Variants in TBC1D24 observed in about 807,000 individuals in gnomAD.
TBC1D24 encodes the protein Infantile myoclonic epilepsy.
A neutral mutation model predicts 50.7 loss-of-function variants in TBC1D24; 47 were observed. That is an observed-to-expected ratio of 0.93 (90% CI 0.73 to 1.18). The LOEUF (loss-of-function observed/expected upper bound fraction) is 1.18, where lower values mean the gene tolerates loss of function less well. Among genes scored for constraint, TBC1D24 ranks in the 50% most tolerant of loss-of-function variants. The pLI, the probability that TBC1D24 is intolerant of heterozygous loss-of-function variation, is 0.00. For missense variants in TBC1D24, 688 were observed against 766.5 expected (o/e 0.90, Z 1.21); for synonymous variants, 324 against 335.2 (o/e 0.97, Z 0.36).
Position 2,478,878 on chromosome 16 carries a change from C to G in TBC1D24, c.-116+3708C>G, listed in dbSNP as rs183804872. ...CTTCCCAAATAGCTGGGACGATAGA[C>G]TTTTTTCTTTTTTTTTTTTTTTCGA... On this transcript the variant is annotated intron_variant, in intron 1 of 7. Coordinates refer to ENST00000646147, the MANE Select transcript of TBC1D24 (RefSeq NM_001199107.2). The G allele has an allele frequency of 2.0e-5, 3 of 150,512 alleles. No homozygotes were observed. The East Asian group carries it at 5.8e-4, about 29-fold the overall frequency. The allele number at this position is 150,512 out of a possible 1,614,324, so 9.3% of individuals were successfully genotyped here. A position where few individuals can be genotyped will look rare whatever the true frequency, so the allele number is the denominator to read the frequency against.
At chr16:2,493,133 TTTTGTTTG>T (rs576467275) in intron 1 of TBC1D24, among the ~76,000 whole-genome samples, 5 of 151,302 alleles carry the variant, frequency 3.3e-5, no homozygotes, top group Admixed American at 2.0e-4. Context: ...ATGGTAAATT[TTTTGTTTG>T]TTTGTTTGTT....
rs2065561411 is a variant in TBC1D24, at chr16:2,475,647, A to C, written c.-116+477A>C. On this transcript the variant is annotated intron_variant, in intron 1 of 7. Coordinates refer to ENST00000646147, the MANE Select transcript of TBC1D24 (RefSeq NM_001199107.2). The surrounding 1 kb of genome is among the most constrained non-coding windows in gnomAD (Gnocchi z 4.2). The stretch of plus-strand genomic sequence containing the variant: ...CCAGGGATGACACACGCCCCCACCG[A>C]CCACCCGCTTGGGGGTCCGCCAGCC... Among the ~76,000 whole-genome samples, 1 of 138,576 alleles carries C rather than the reference A, an allele frequency of 7.2e-6. No homozygotes were observed. Among genetic ancestry groups the C allele is most frequent in the African/African-American group, 2.8e-5 (1 of 35,128 alleles). 90.9% of individuals were successfully genotyped at this position (138,576 alleles called of 152,430 possible). A position where few individuals can be genotyped will look rare whatever the true frequency, so the allele number is the denominator to read the frequency against.
At chr16:2,480,739 C>G (rs925490506) in intron 1 of TBC1D24, 8 of 152,276 alleles carry the variant, frequency 5.3e-5, no homozygotes, top group Non-Finnish European at 1.0e-4. Flanking sequence ...TCTAGCCTTG[C>G]TACCTTGGTA....
intron 1 of TBC1D24, chr16:2,480,783 A>C (rs935346622): frequency 1.3e-5 from 2 of 152,260 alleles, no homozygotes; most frequent in Non-Finnish European, 2.9e-5. Flanking sequence ...TGTGGACATT[A>C]ACTTTTCTGC....
In TBC1D24 at chr16:2,500,571, C is replaced by G; in HGVS notation, c.1525+81C>G. ...GCTGCTGCACCCAGCCCTCCCTGACCGGGGTGGCAGAGAAGAGGCCCTGGG... is the reference window on the plus strand; with the variant it reads ...GCTGCTGCACCCAGCCCTCCCTGACGGGGGTGGCAGAGAAGAGGCCCTGGG... On this transcript the variant is annotated intron_variant, in intron 7 of 7. Transcript: ENST00000646147. The surrounding 1 kb of genome is among the most constrained non-coding windows in gnomAD (Gnocchi z 8.0). 6.9e-7 allele frequency: 1 copy of G among 1,443,822 alleles called. No homozygotes were observed. Among genetic ancestry groups the G allele is most frequent in the South Asian group, 1.3e-5 (1 of 78,620 alleles). 89.4% of individuals were successfully genotyped at this position (1,443,822 alleles called of 1,614,324 possible).
intron 2 of TBC1D24, 120 bp downstream of exon 2, chr16:2,497,233 T>C: frequency 3.0e-6 from 4 of 1,333,518 alleles, no homozygotes; most frequent in Non-Finnish European, 4.2e-6. Flanking sequence ...CACCCAGCCA[T>C]CTGTGCATGG....
At position 2,500,089 on chromosome 16, in the gene TBC1D24, G is replaced by A. The variant is rs564840430; in HGVS notation, c.1302+159G>A. 1.1e-4 allele frequency among the ~76,000 whole-genome samples: 17 copies of A among 152,212 alleles called. No homozygotes were observed. The highest frequency in any genetic ancestry group is 3.6e-4 in the African/African-American group (15 of 41,532). ...CTTCCGGGTTTGATCATTCAGCCGTGCGCTGCTCCGGGGCAGGGGGCTTCA... is the reference window on the plus strand; with the variant it reads ...CTTCCGGGTTTGATCATTCAGCCGTACGCTGCTCCGGGGCAGGGGGCTTCA... On this transcript the variant is annotated intron_variant, in intron 6 of 7. Transcript: ENST00000646147. This position sits in a 1 kb window ranked among gnomAD's most constrained non-coding sequence, Gnocchi z 8.0.
rs1567414771 is a variant in TBC1D24, at chr16:2,500,750, C to G, written c.1526-54C>G. On this transcript the variant is annotated intron_variant, in intron 7 of 7. Transcript: ENST00000646147. This position sits in a 1 kb window ranked among gnomAD's most constrained non-coding sequence, Gnocchi z 8.0. ...ACAGCTGGGACAGCAGGTGAGGTGCCTGGGTCAGTGCTGATAGGGCAGTCA... is the reference window on the plus strand; with the variant it reads ...ACAGCTGGGACAGCAGGTGAGGTGCGTGGGTCAGTGCTGATAGGGCAGTCA... 1.9e-6 allele frequency: 3 copies of G among 1,562,010 alleles called. No individual in the cohort carries two copies. Among genetic ancestry groups the G allele is most frequent in the South Asian group, 1.2e-5 (1 of 86,944 alleles).
At chr16:2,476,351 C>T (rs1343263249) in intron 1 of TBC1D24, among the ~76,000 whole-genome samples, 1 of 152,206 alleles carries the variant, frequency 6.6e-6, no homozygotes, top group African/African-American at 2.4e-5. Context: ...AATGTTTGCT[C>T]AGTTGCGGCG....
Position 2,500,483 on chromosome 16 carries a change from C to T in TBC1D24, c.1518C>T (p.Leu506=), listed in dbSNP as rs764629193. 1.3e-6 allele frequency: 2 copies of T among 1,565,156 alleles called. No individual in the cohort carries two copies. Among genetic ancestry groups the T allele is most frequent in the East Asian group, 2.4e-5 (1 of 41,992 alleles). Residue 506 remains leucine, a synonymous_variant, in exon 7 of 8, where the codon CTC becomes CTT. Coordinates refer to ENST00000646147, the MANE Select transcript of TBC1D24 (RefSeq NM_001199107.2). The surrounding 1 kb of genome is among the most constrained non-coding windows in gnomAD (Gnocchi z 8.0). ...TCATGGCGGGGGGCAGCGACTGCCT[C>T]ATCGTCGGTGAGCGCCAGCAGACGG... is the stretch of plus-strand genomic sequence containing the variant. The part of the protein sequence containing the change: ...SMFMAGGSDC[L]IVGGGGGQAL...
intron 1 of TBC1D24, among the ~76,000 whole-genome samples, chr16:2,491,700 A>G (rs533822970): frequency 1.3e-5 from 2 of 152,108 alleles, no homozygotes; most frequent in African/African-American, 4.8e-5. Flanking sequence ...GACTACAGGC[A>G]TGTGCCACCA....
chr16:2,476,603 TC>T (rs2065570793), intron 1 of TBC1D24: 2 of 152,284 alleles, frequency 1.3e-5, no homozygotes, highest in South Asian at 4.1e-4. Flanking sequence ...TAGAAGCCTG[TC>T]TTTCCCTGTG....
Position 2,486,288 on chromosome 16 carries a change from C to G in TBC1D24, c.-115-9746C>G, listed in dbSNP as rs927994891. ...TAGCTGCGGGCGTTGGCGTTCCCCA[C>G]CCATGGGGCCCGGCCTCATTTCCTC... is the stretch of plus-strand genomic sequence containing the variant. On this transcript the variant is annotated intron_variant, in intron 1 of 7. Coordinates refer to ENST00000646147, the MANE Select transcript of TBC1D24 (RefSeq NM_001199107.2). This position sits in a 1 kb window ranked among gnomAD's most constrained non-coding sequence, Gnocchi z 5.8. 6.6e-6 allele frequency among the ~76,000 whole-genome samples: 1 copy of G among 152,236 alleles called. No homozygotes were observed. The highest frequency in any genetic ancestry group is 2.4e-5 in the African/African-American group (1 of 41,458).
At chr16:2,490,403 A>G (rs980695688) in intron 1 of TBC1D24, among the ~76,000 whole-genome samples, 14 of 152,174 alleles carry the variant, frequency 9.2e-5, no homozygotes, top group Admixed American at 2.6e-4. Context: ...GGGGAAGCAC[A>G]CTTTAGGTGA....
At position 2,500,821 on chromosome 16, in the gene TBC1D24, G is replaced by T; in HGVS notation, c.1543G>T (p.Ala515Ser). Residue 515 changes from alanine (A) to serine (S), a missense_variant, in exon 8 of 8, where the codon GCG becomes TCG. Physicochemically the swap from Ala to Ser is moderately conservative, Grantham distance 99 (BLOSUM62 1). Transcript: ENST00000646147. The surrounding 1 kb of genome is among the most constrained non-coding windows in gnomAD (Gnocchi z 8.0). ...CLIVGGGGGQ[A>S]LYIDGDLNRG... ...TCCTGCAGGGGGAGGAGGCGGCCAGGCGCTCTACATCGATGGGGACCTGAA... is the reference window on the plus strand; with the variant it reads ...TCCTGCAGGGGGAGGAGGCGGCCAGTCGCTCTACATCGATGGGGACCTGAA... 6.2e-7 allele frequency: 1 copy of T among 1,606,450 alleles called. No individual in the cohort carries two copies.
intron 4 of TBC1D24, among the ~76,000 whole-genome samples, chr16:2,498,781 C>T (rs1241921451): frequency 1.3e-5 from 2 of 152,220 alleles, no homozygotes; most frequent in Admixed American, 1.3e-4. Context: ...GGTGGTGCTG[C>T]CAGGTGCAGC....
chr16:2,496,825 C>T lies in TBC1D24; in HGVS notation c.677C>T (p.Ala226Val). 1 of 1,614,072 alleles carries T rather than the reference C, an allele frequency of 6.2e-7. No individual in the cohort carries two copies. Among genetic ancestry groups the T allele is most frequent in the South Asian group, 1.1e-5 (1 of 91,088 alleles). The change falls in exon 2 of 8, where the codon GCC (alanine) becomes GTC (valine). Residue 226 changes from alanine to valine, a missense_variant. Physicochemically the swap from Ala to Val is moderately conservative, Grantham distance 64. Coordinates refer to ENST00000646147, the MANE Select transcript of TBC1D24 (RefSeq NM_001199107.2). The part of the protein sequence containing the change: ...LFGELPLCYF[A>V]RVFDVFLVEG... ...GGGGAGCTGCCCCTCTGCTACTTCG[C>T]CCGGGTCTTTGACGTCTTCCTGGTG...
chr16:2,504,484 T>A lies in TBC1D24; in HGVS notation c.*3526T>A, dbSNP rs1347860515. The stretch of plus-strand genomic sequence containing the variant: ...CCCAGGCTGGAGTGCAGTGGCGCGA[T>A]CTCGGCTCACCGCAAGCCCCGCCTC... On this transcript the variant is annotated 3_prime_UTR_variant, in exon 8 of 8. Transcript: ENST00000646147. The A allele has an allele frequency of 1.4e-5, 2 of 147,286 alleles. No homozygotes were observed. The highest frequency in any genetic ancestry group is 5.1e-5 in the African/African-American group (2 of 39,134). The allele number at this position is 147,286 out of a possible 1,614,324, so 9.1% of individuals were successfully genotyped here. A position where few individuals can be genotyped will look rare whatever the true frequency, so the allele number is the denominator to read the frequency against.
At position 2,500,137 on chromosome 16, in the gene TBC1D24, C is replaced by A; in HGVS notation, c.1303-131C>A. On this transcript the variant is annotated intron_variant, in intron 6 of 7. Coordinates refer to ENST00000646147, the MANE Select transcript of TBC1D24 (RefSeq NM_001199107.2). This position sits in a 1 kb window ranked among gnomAD's most constrained non-coding sequence, Gnocchi z 8.0. ...TCATCTGCTCGAGCCACCAGCTCCC[C>A]AGCCCCTGGCTCGGGCTGCACCCAC... 1 of 1,038,346 alleles carries A rather than the reference C, an allele frequency of 9.6e-7. No homozygotes were observed. The highest frequency in any genetic ancestry group is 1.5e-6 in the Non-Finnish European group (1 of 684,834). The allele number at this position is 1,038,346 out of a possible 1,614,324, so 64.3% of individuals were successfully genotyped here.
Sources: gnomAD v4.1 joint callset for allele counts (sites outside exome capture counted in the v4.1 genomes callset) on GRCh38, gnomAD v4.1.1 for gene constraint, Gnocchi (gnomAD v3.1) non-coding constraint, MANE v1.5 for transcripts, NCBI Gene and HGNC (gene_info 2026-07-23, HGNC 2026-07-21) for gene names.